Variants in KIAA0586 observed in about 807,000 individuals in gnomAD.
The protein encoded by KIAA0586 is KIAA0586.
In KIAA0586, 144 loss-of-function variants were observed where a neutral mutation model predicts 169.8. The observed-to-expected ratio is 0.85, with a 90% CI of 0.74 to 0.97. The LOEUF (loss-of-function observed/expected upper bound fraction) is 0.97. Ranked by LOEUF, KIAA0586 falls within the 50% of genes least tolerant of loss-of-function variation. KIAA0586 has a pLI of 0.00. For synonymous variants in KIAA0586, 625 were observed against 612.4 expected (o/e 1.02, Z -0.30); for missense variants, 1,854 against 1,823.0 (o/e 1.02, Z -0.31).
At chr14:58,488,142 A>C (rs745753257) in intron 23 of KIAA0586, 33 bp downstream of exon 23, 4 of 1,454,244 alleles carry the variant, frequency 2.8e-6, no homozygotes, top group Middle Eastern at 1.7e-4. Context: ...GTAACTGTAC[A>C]TTTCAACTTA....
At position 58,487,079 on chromosome 14, in the gene KIAA0586, T is replaced by G; in HGVS notation, c.3217T>G (p.Cys1073Gly). Residue 1073 changes from cysteine (C) to glycine (G), a missense_variant, in exon 22 of 31, where the codon TGT becomes GGT. Coordinates refer to ENST00000652326, the MANE Select transcript of KIAA0586 (RefSeq NM_001329943.3). ...PCSPSSPAKE[C>G]VLVKTPDSSP... ...CTCACCTTCATCACCTGCTAAGGAG[T>G]GTGTTTTGGTAAAGACTCCAGATTC... 1 of 1,612,952 alleles carries G rather than the reference T, an allele frequency of 6.2e-7. No individual in the cohort carries two copies. The highest frequency in any genetic ancestry group is 8.5e-7 in the Non-Finnish European group (1 of 1,179,236).
At position 58,474,750 on chromosome 14, in the gene KIAA0586, T is replaced by C. The variant is rs1395626779; in HGVS notation, c.2778T>C (p.Asp926=). The part of the protein sequence containing the change: ...STFQPTADIL[D]KVIERKETLE... ...TTCAGCCCACTGCTGATATTCTGGA[T>C]AAAGTAATTGAGAGAAAAGAAACAC... is the stretch of plus-strand genomic sequence containing the variant. The change falls in exon 19 of 31, where the codon GAT becomes GAC. Residue 926 remains aspartate, a synonymous_variant. Coordinates refer to ENST00000652326, the MANE Select transcript of KIAA0586 (RefSeq NM_001329943.3). 3 of 1,611,816 alleles carry C rather than the reference T, an allele frequency of 1.9e-6. No homozygotes were observed. Among genetic ancestry groups the C allele is most frequent in the Non-Finnish European group, 2.5e-6 (3 of 1,179,254 alleles).
At chr14:58,553,635 C>CT (rs1187670007), downstream of KIAA0586, among the ~76,000 whole-genome samples, 1 of 151,488 alleles carries the variant, frequency 6.6e-6, no homozygotes, top group Non-Finnish European at 1.5e-5. Flanking sequence ...TTGAAACCAG[C>CT]TTCTGGAGGC....
intron 26 of KIAA0586, among the ~76,000 whole-genome samples, chr14:58,496,180 A>G (rs1489893681): frequency 6.6e-6 from 1 of 152,220 alleles, no homozygotes; most frequent in African/African-American, 2.4e-5. Flanking sequence ...TAATTTGTAC[A>G]TATATGTAGA....
chr14:58,428,035 A>T lies in KIAA0586; in HGVS notation c.-230A>T, dbSNP rs2036988484. ...CCATTCTCTTGTCATCCCCACTTTCACATTTTGGCGTGGTGTATTAATAGA... is the reference window on the plus strand; with the variant it reads ...CCATTCTCTTGTCATCCCCACTTTCTCATTTTGGCGTGGTGTATTAATAGA... On this transcript the variant is annotated 5_prime_UTR_variant, in exon 1 of 31. Coordinates refer to ENST00000652326, the MANE Select transcript of KIAA0586 (RefSeq NM_001329943.3). The T allele has an allele frequency of 1.4e-6, 2 of 1,429,922 alleles. No individual in the cohort carries two copies. Among genetic ancestry groups the T allele is most frequent in the Non-Finnish European group, 1.8e-6 (2 of 1,099,174 alleles). 88.6% of individuals were successfully genotyped at this position (1,429,922 alleles called of 1,614,324 possible). A position where few individuals can be genotyped will look rare whatever the true frequency, so the allele number is the denominator to read the frequency against.
chr14:58,538,449 A>G (rs1283468693), intron 29 of KIAA0586, among the ~76,000 whole-genome samples: 1 of 151,950 alleles, frequency 6.6e-6, no homozygotes, highest in African/African-American at 2.4e-5. Flanking sequence ...TTAATTTTTA[A>G]TTTTTGTGAG....
Position 58,548,361 on chromosome 14 carries a change from T to C in KIAA0586, c.*429T>C, listed in dbSNP as rs1162144815. On this transcript the variant is annotated 3_prime_UTR_variant, in exon 31 of 31. Transcript: ENST00000652326. ...GGTACATCAGTACAATGGAATACTATGTATTACAAAAAAAAATTTAAAAAG... is the reference window on the plus strand; with the variant it reads ...GGTACATCAGTACAATGGAATACTACGTATTACAAAAAAAAATTTAAAAAG... 1 of 153,226 alleles carries C rather than the reference T, an allele frequency of 6.5e-6. No individual in the cohort carries two copies. The highest frequency in any genetic ancestry group is 2.4e-5 in the African/African-American group (1 of 41,438). 9.5% of individuals were successfully genotyped at this position (153,226 alleles called of 1,614,324 possible).
intron 8 of KIAA0586, 84 bp downstream of exon 8, chr14:58,450,830 C>T: frequency 3.9e-6 from 3 of 761,100 alleles, no homozygotes; most frequent in Non-Finnish European, 6.4e-6. Context: ...GAAGTGGGAT[C>T]TCTATTTGTA....
chr14:58,490,616 AT>A (rs780911549), intron 25 of KIAA0586, among the ~76,000 whole-genome samples: 18 of 152,088 alleles, frequency 1.2e-4, no homozygotes, highest in Non-Finnish European at 2.4e-4. Context: ...CATGATTATA[AT>A]TCTTTGTGCT....
Position 58,550,508 on chromosome 14 carries a change from C to T in KIAA0586, c.*2576C>T, listed in dbSNP as rs555561850. ...CGGAATAAACTATTTATGAGACATGCTATTAAGAGACTATCAAGATCAAGG... is the reference window on the plus strand; with the variant it reads ...CGGAATAAACTATTTATGAGACATGTTATTAAGAGACTATCAAGATCAAGG... On this transcript the variant is annotated 3_prime_UTR_variant, in exon 31 of 31. Coordinates refer to ENST00000652326, the MANE Select transcript of KIAA0586 (RefSeq NM_001329943.3). 1.3e-5 allele frequency: 2 copies of T among 151,860 alleles called. No individual in the cohort carries two copies. The highest frequency in any genetic ancestry group is 2.9e-5 in the Non-Finnish European group (2 of 67,972). The allele number at this position is 151,860 out of a possible 1,614,324, so 9.4% of individuals were successfully genotyped here. A position where few individuals can be genotyped will look rare whatever the true frequency, so the allele number is the denominator to read the frequency against.
chr14:58,443,920 A>T, intron 5 of KIAA0586, 34 bp from the exon 6 acceptor site: 1 of 1,300,832 alleles, frequency 7.7e-7, no homozygotes, highest in Non-Finnish European at 1.1e-6. Context: ...GTATCCTATA[A>T]TGTGAATTTT....
intron 12 of KIAA0586, among the ~76,000 whole-genome samples, chr14:58,459,152 G>T (rs2040119436): frequency 6.6e-6 from 1 of 152,120 alleles, no homozygotes; most frequent in African/African-American, 2.4e-5. Context: ...GTGTTTTTTT[G>T]ACTGTAGATG....
chr14:58,431,829 C>T (rs531318451), intron 3 of KIAA0586, among the ~76,000 whole-genome samples: 19 of 151,850 alleles, frequency 1.3e-4, no homozygotes, highest in East Asian at 3.9e-4. Flanking sequence ...TTTTGTGTGC[C>T]GCTGTTGTAA....
chr14:58,515,098 ATACTATATAC>A (rs1341514889), intron 29 of KIAA0586, among the ~76,000 whole-genome samples: 1 of 152,206 alleles, frequency 6.6e-6, no homozygotes, highest in East Asian at 1.9e-4. Context: ...AAAGTCAAAC[ATACTATATAC>A]TACTATCAGT....
At chr14:58,521,806 A>G in intron 29 of KIAA0586, 1 of 822,460 alleles carries the variant, frequency 1.2e-6, no homozygotes, top group Non-Finnish European at 2.2e-6. Context: ...TCCATGAAGA[A>G]AGATGAGACT....
chr14:58,494,329 G>T (rs201279767), intron 26 of KIAA0586, among the ~76,000 whole-genome samples: 9 of 142,124 alleles, frequency 6.3e-5, no homozygotes, highest in Admixed American at 1.4e-4. Flanking sequence ...GTTTTTTGTT[G>T]TTTTTTTTTT....
chr14:58,561,412 T>C, the KIAA0586 span, among the ~76,000 whole-genome samples: 13 of 152,372 alleles, frequency 8.5e-5, no homozygotes, highest in East Asian at 1.3e-3. Context: ...TACTCATTAA[T>C]GTTAATTGCA....
chr14:58,428,101 T>C lies in KIAA0586; in HGVS notation c.-164T>C. ...GGGTAAATATGACTTTATAGTCAGCTCTAATCCTGGATTCAATATCAGAAT... is the reference window on the plus strand; with the variant it reads ...GGGTAAATATGACTTTATAGTCAGCCCTAATCCTGGATTCAATATCAGAAT... On this transcript the variant is annotated 5_prime_UTR_variant, in exon 1 of 31. Transcript: ENST00000652326. The C allele has an allele frequency of 2.1e-6, 3 of 1,460,668 alleles. No homozygotes were observed. The highest frequency in any genetic ancestry group is 2.7e-6 in the Non-Finnish European group (3 of 1,111,164). The allele number at this position is 1,460,668 out of a possible 1,614,324, so 90.5% of individuals were successfully genotyped here.
chr14:58,508,566 G>A lies in KIAA0586; in HGVS notation c.4180G>A (p.Glu1394Lys). ...ATTTTTGATAACAGGTAGTATTTAT[G>A]AAGATTCATGTGCTAGTCATGGTCC... is the stretch of plus-strand genomic sequence containing the variant. Reference protein sequence around the residue: ...QFDTVSGSIYEDSCASHGPMS... With the variant: ...QFDTVSGSIYKDSCASHGPMS... The change falls in exon 28 of 31, where the codon GAA (glutamate) becomes AAA (lysine). Residue 1394 changes from glutamate (E) to lysine (K), a missense_variant. Glu to Lys is a moderately conservative substitution (Grantham distance 56). Transcript: ENST00000652326. The A allele has an allele frequency of 1.9e-6, 3 of 1,582,218 alleles. No homozygotes were observed. The highest frequency in any genetic ancestry group is 2.7e-5 in the African/African-American group (2 of 74,314).
Sources: gnomAD v4.1 joint callset for allele counts (sites outside exome capture counted in the v4.1 genomes callset) on GRCh38, gnomAD v4.1.1 for gene constraint, MANE v1.5 for transcripts, NCBI Gene and HGNC (gene_info 2026-07-23, HGNC 2026-07-21) for gene names.